NGEF: variants seen among roughly 807,000 people sequenced by gnomAD.
The protein encoded by NGEF is ephexin-1.
NGEF carries 31 observed loss-of-function variants against 80.9 expected under a neutral mutation model. That is an observed-to-expected ratio of 0.38 (90% confidence interval 0.29 to 0.52). NGEF has a LOEUF of 0.52. Ranked by LOEUF, NGEF falls within the 20% of genes least tolerant of loss-of-function variation. NGEF has a pLI of 0.84. For synonymous variants in NGEF, 371 were observed against 370.2 expected, an observed-to-expected ratio of 1.00 and a Z score of -0.03; for missense variants, 709 against 926.2, an observed-to-expected ratio of 0.77 and a Z score of 3.04.
chr2:232,897,699 G>A (rs139451834), intron 5 of NGEF, among the ~76,000 whole-genome samples: 2 of 152,314 alleles, frequency 1.3e-5, no homozygotes, highest in African/African-American at 4.8e-5. Flanking sequence ...GGGCCCACCC[G>A]GCCCCCAGTG....
rs956816508 is a variant in NGEF, at chr2:232,894,641, C to T, written c.989+115G>A. 3 of 1,038,000 alleles carry T rather than the reference C, an allele frequency of 2.9e-6. No homozygotes were observed. The African/African-American group carries it at 4.7e-5, about 16-fold the overall frequency. The allele number at this position is 1,038,000 out of a possible 1,614,324, so 64.3% of individuals were successfully genotyped here. On this transcript the variant is annotated intron_variant, in intron 6 of 14. Transcript: ENST00000264051. ...TATTTATATTTTATTATGGAACATT[C>T]CAAACATCTGGAAGTAGAGAAGCCA... is the stretch of plus-strand genomic sequence containing the variant.
chr2:232,888,211 T>C lies in NGEF; in HGVS notation c.1273-104A>G. 4.0e-6 allele frequency: 3 copies of C among 749,764 alleles called. No homozygotes were observed. In the South Asian group the frequency reaches 5.2e-5, roughly 13 times the overall value. 46.4% of individuals were successfully genotyped at this position (749,764 alleles called of 1,614,324 possible). On this transcript the variant is annotated intron_variant, in intron 8 of 14. Transcript: ENST00000264051. ...TCCCTACTGCACCAGTCCAGCCCCATGCTGCAGCATGCACACACACACACA... is the reference window on the plus strand; with the variant it reads ...TCCCTACTGCACCAGTCCAGCCCCACGCTGCAGCATGCACACACACACACA...
intron 3 of NGEF, among the ~76,000 whole-genome samples, chr2:232,942,673 G>A (rs1041409401): frequency 3.3e-5 from 5 of 151,884 alleles, no homozygotes; most frequent in Non-Finnish European, 7.4e-5. Flanking sequence ...CCAGGAGTTC[G>A]AGACCAGCCT....
At chr2:233,005,990 T>A (rs554614779) in intron 1 of NGEF, among the ~76,000 whole-genome samples, 1 of 152,302 alleles carries the variant, frequency 6.6e-6, no homozygotes, top group Admixed American at 6.5e-5. Context: ...CTAATTTTTG[T>A]ATTTTTTGTA....
chr2:232,995,247 A>G lies in NGEF; in HGVS notation c.-75+17821T>C, dbSNP rs1428052591. On this transcript the variant is annotated intron_variant, in intron 1 of 14. Transcript: ENST00000264051. ...TATGTATGCTGTGTACAGTATGTATACTGTATATGTGTACAGTATGTATGC... is the reference window on the plus strand; with the variant it reads ...TATGTATGCTGTGTACAGTATGTATGCTGTATATGTGTACAGTATGTATGC... Among the ~76,000 whole-genome samples the G allele has an allele frequency of 1.2e-4, 9 of 72,234 alleles. 3 individuals carry two copies. Among genetic ancestry groups the G allele is most frequent in the African/African-American group, 2.4e-4 (3 of 12,718 alleles). The allele number at this position is 72,234 out of a possible 152,430, so 47.4% of individuals were successfully genotyped here. A position where few individuals can be genotyped will look rare whatever the true frequency, so the allele number is the denominator to read the frequency against.
chr2:232,946,738 A>G (rs1693568062), intron 3 of NGEF, among the ~76,000 whole-genome samples: 1 of 152,236 alleles, frequency 6.6e-6, no homozygotes, highest in Non-Finnish European at 1.5e-5. Flanking sequence ...GTCTGAAAGC[A>G]AGGAAGTGAA....
Position 232,974,667 on chromosome 2 carries a change from G to A in NGEF, c.224C>T (p.Ala75Val). Residue 75 changes from alanine to valine, a missense_variant, in exon 2 of 15, where the codon GCC becomes GTC. By Grantham distance (64) the Ala-to-Val change is moderately conservative. This residue lies in a region of NGEF where 283 missense variants were observed against 303.4 expected (regional missense o/e 0.93). Coordinates refer to ENST00000264051, the MANE Select transcript of NGEF (RefSeq NM_019850.3). ...FNRSIRRKSK[A>V]KARDNPERNA... ...CCGTTCGGGGTTGTCTCTGGCCTTG[G>A]CTTTGCTTTTGCGTCTTATGGAGCG... 1 of 1,614,242 alleles carries A rather than the reference G, an allele frequency of 6.2e-7. No homozygotes were observed. The highest frequency in any genetic ancestry group is 8.5e-7 in the Non-Finnish European group (1 of 1,180,058).
chr2:232,927,913 C>T (rs1205955856), intron 3 of NGEF: 1 of 1,323,244 alleles, frequency 7.6e-7, no homozygotes, highest in Non-Finnish European at 9.6e-7. Flanking sequence ...GGTGTCCCGC[C>T]GCCGAGTCGC....
At chr2:232,995,550 C>CTATATACAGTATGTATACTGTATATA (rs1559240716) in intron 1 of NGEF, among the ~76,000 whole-genome samples, 2 of 8,492 alleles carry the variant, frequency 2.4e-4, no homozygotes, top group Non-Finnish European at 3.6e-4. Context: ...AGTATGTATA[C>CTATATACAGTATGTATACTGTATATA]TATATACAGT....
chr2:232,901,305 C>T lies in NGEF; in HGVS notation c.829-6389G>A, dbSNP rs1047719070. 1.9e-5 allele frequency: 18 copies of T among 935,542 alleles called. 1 individual carries two copies. In the Admixed American group the frequency reaches 3.1e-4, roughly 16 times the overall value. 58.0% of individuals were successfully genotyped at this position (935,542 alleles called of 1,614,324 possible). A position where few individuals can be genotyped will look rare whatever the true frequency, so the allele number is the denominator to read the frequency against. ...TGCCTCCGCACTCGGATCAACCCTG[C>T]GTTCCCCACCCTCAGCAAAGCTCGA... On this transcript the variant is annotated intron_variant, in intron 5 of 14. Coordinates refer to ENST00000264051, the MANE Select transcript of NGEF (RefSeq NM_019850.3).
At chr2:232,910,599 G>A (rs1692672212) in intron 5 of NGEF, among the ~76,000 whole-genome samples, 1 of 151,632 alleles carries the variant, frequency 6.6e-6, no homozygotes, top group African/African-American at 2.4e-5. Context: ...GGGCTGCTGG[G>A]TAGTACCATA....
intron 6 of NGEF, 97 bp downstream of exon 6, chr2:232,894,659 A>C: frequency 8.7e-7 from 1 of 1,148,792 alleles, no homozygotes; most frequent in Non-Finnish European, 1.2e-6. Context: ...CTGGAAGTAG[A>C]GAAGCCAGTA....
Position 232,979,040 on chromosome 2 carries a change from C to T in NGEF, c.-74-4076G>A, listed in dbSNP as rs556910518. 7.2e-5 allele frequency among the ~76,000 whole-genome samples: 11 copies of T among 152,286 alleles called. No homozygotes were observed. The South Asian group carries it at 2.1e-3, about 29-fold the overall frequency. ...CTGTGCGGTGCCAGGGATGCAACGA[C>T]GCCCACACCATATACCACCAAGGGC... On this transcript the variant is annotated intron_variant, in intron 1 of 14. Transcript: ENST00000264051.
intron 3 of NGEF, among the ~76,000 whole-genome samples, chr2:232,943,873 C>T (rs1693493941): frequency 6.6e-6 from 1 of 151,948 alleles, no homozygotes; most frequent in Admixed American, 6.6e-5. Context: ...CACTGAAATA[C>T]ATTCCTGATT....
Position 232,927,851 on chromosome 2 carries a change from C to A in NGEF, c.384-665G>T, listed in dbSNP as rs1041691717. ...GGGCGCAAGCTGGGAAAGAGGCACG[C>A]GGGGGCGGCGCGCCGGGGCCGGGAC... is the stretch of plus-strand genomic sequence containing the variant. On this transcript the variant is annotated intron_variant, in intron 3 of 14. Transcript: ENST00000264051. 2.5e-6 allele frequency: 3 copies of A among 1,219,630 alleles called. No individual in the cohort carries two copies. The South Asian group carries it at 9.3e-5, about 38-fold the overall frequency. The allele number at this position is 1,219,630 out of a possible 1,614,324, so 75.6% of individuals were successfully genotyped here.
intron 1 of NGEF, among the ~76,000 whole-genome samples, chr2:232,986,586 A>G (rs1299558795): frequency 2.0e-5 from 3 of 152,228 alleles, no homozygotes; most frequent in Non-Finnish European, 2.9e-5. Context: ...CTTTCTGTAT[A>G]TGGTTAAGTG....
In NGEF at chr2:232,893,023, C is replaced by T; in HGVS notation, c.1017G>A (p.Met339Ile). The change falls in exon 7 of 15, where the codon ATG becomes ATA. Residue 339 changes from methionine to isoleucine, a missense_variant. Physicochemically the swap from Met to Ile is conservative, Grantham distance 10. Coordinates refer to ENST00000264051, the MANE Select transcript of NGEF (RefSeq NM_019850.3). Reference protein sequence around the residue: ...ERFLLELEHRMEENIVISDVC... With the variant: ...ERFLLELEHRIEENIVISDVC... ...CGTCAGAGATGACGATGTTCTCCTC[C>T]ATCCGGTGCTCCAGCTCCAGGAGGA... The T allele has an allele frequency of 6.2e-7, 1 of 1,613,044 alleles. No homozygotes were observed. The highest frequency in any genetic ancestry group is 1.1e-5 in the South Asian group (1 of 91,056).
At chr2:232,898,772 T>A (rs939144971) in intron 5 of NGEF, among the ~76,000 whole-genome samples, 1 of 152,312 alleles carries the variant, frequency 6.6e-6, no homozygotes, top group Non-Finnish European at 1.5e-5. Flanking sequence ...AAGACTGGCT[T>A]CCCATGGCAC....
At chr2:232,957,317 A>G (rs1218895367) in intron 3 of NGEF, among the ~76,000 whole-genome samples, 2 of 152,060 alleles carry the variant, frequency 1.3e-5, no homozygotes, top group African/African-American at 4.8e-5. Context: ...TATTATTACT[A>G]CTACTAATAA....
Sources: gnomAD v4.1 joint callset for allele counts (sites outside exome capture counted in the v4.1 genomes callset) on GRCh38, gnomAD v4.1.1 for gene constraint, gnomAD v4.1.1 regional missense constraint, MANE v1.5 for transcripts, NCBI Gene and HGNC (gene_info 2026-07-23, HGNC 2026-07-21) for gene names.